Variants in METTL23 observed in about 807,000 individuals in gnomAD.
METTL23 encodes histone-arginine methyltransferase METTL23.
A neutral mutation model predicts 21.2 loss-of-function variants in METTL23; 24 were observed. That is an observed-to-expected ratio of 1.13 (90% CI 0.82 to 1.59). METTL23 has a LOEUF of 1.59. METTL23 is among the 40% of genes most tolerant of loss of function. METTL23 has a pLI of 0.00. For missense variants in METTL23, 276 were observed against 221.4 expected, an observed-to-expected ratio of 1.25 and a Z score of -1.57; for synonymous variants, 97 against 75.2, an observed-to-expected ratio of 1.29 and a Z score of -1.50.
At chr17:76,727,324 A>G (rs1377397831) in intron 1 of METTL23, 146 bp downstream of exon 1, 1 of 339,072 alleles carries the variant, frequency 2.9e-6, no homozygotes, top group African/African-American at 2.2e-5. Context: ...AAAACGTCGG[A>G]TATGAAGCCC....
chr17:76,732,650 T>A (rs1023378370), intron 2 of METTL23: 1 of 336,274 alleles, frequency 3.0e-6, no homozygotes, highest in Non-Finnish European at 5.6e-6. Flanking sequence ...CTCAAAAAAA[T>A]AAAACAAAAC....
intron 2 of METTL23, 98 bp from the exon 3 acceptor site, chr17:76,732,880 A>T: frequency 1.0e-6 from 1 of 1,001,212 alleles, no homozygotes; most frequent in Non-Finnish European, 1.5e-6. Flanking sequence ...CTCTATGCTT[A>T]TTTAAAAATG....
chr17:76,733,750 T>C lies in METTL23; in HGVS notation c.*64T>C. 1 of 1,434,512 alleles carries C rather than the reference T, an allele frequency of 7.0e-7. No homozygotes were observed. The highest frequency in any genetic ancestry group is 9.5e-7 in the Non-Finnish European group (1 of 1,056,784). The allele number at this position is 1,434,512 out of a possible 1,614,324, so 88.9% of individuals were successfully genotyped here. ...GATGAGCAACCTGGCACACAAACTA[T>C]GAGCAGACCACTTCAGCTTGAGAAT... On this transcript the variant is annotated 3_prime_UTR_variant, in exon 5 of 5. Transcript: ENST00000341249.
chr17:76,726,068 C>T (rs775431834), upstream of METTL23, among the ~76,000 whole-genome samples: 5 of 152,202 alleles, frequency 3.3e-5, no homozygotes, highest in African/African-American at 1.2e-4. Context: ...CTAGGGGACC[C>T]GCCGCCCAAA....
Position 76,726,877 on chromosome 17 carries a change from C to T in METTL23, c.-323C>T, listed in dbSNP as rs1308843690. On this transcript the variant is annotated 5_prime_UTR_variant, in exon 1 of 5. Transcript: ENST00000341249. ...CCAGCCGCCCGTTGCCAGTTCTGCG[C>T]GTGTGAGTCTCTTTCGCCTTGCTCC... 6 of 444,438 alleles carry T rather than the reference C, an allele frequency of 1.4e-5. No homozygotes were observed. Among genetic ancestry groups the T allele is most frequent in the Non-Finnish European group, 2.8e-5 (6 of 216,432 alleles). The allele number at this position is 444,438 out of a possible 1,614,324, so 27.5% of individuals were successfully genotyped here.
chr17:76,726,590 T>G, upstream of METTL23: 3 of 1,378,606 alleles, frequency 2.2e-6, no homozygotes, highest in Non-Finnish European at 2.9e-6. Context: ...CGCCCTTCGC[T>G]CAGTCCCGGC....
In METTL23 at chr17:76,726,972, G is replaced by A. The variant is rs747808832; in HGVS notation, c.-228G>A. The A allele has an allele frequency of 2.2e-6, 1 of 456,640 alleles. No homozygotes were observed. Among genetic ancestry groups the A allele is most frequent in the South Asian group, 1.5e-5 (1 of 64,568 alleles). The allele number at this position is 456,640 out of a possible 1,614,324, so 28.3% of individuals were successfully genotyped here. A position where few individuals can be genotyped will look rare whatever the true frequency, so the allele number is the denominator to read the frequency against. On this transcript the variant is annotated 5_prime_UTR_variant, in exon 1 of 5. Transcript: ENST00000341249. ...GGCTTTCCCCTTCTTGCCGTCAGGT[G>A]CTACGGCCACGTGGCCCGCGGCTTC...
chr17:76,732,973 A>G lies in METTL23; in HGVS notation c.85-5A>G. On this transcript the variant is annotated splice_polypyrimidine_tract_variant and splice_region_variant and intron_variant, in intron 2 of 4. Coordinates refer to ENST00000341249, the MANE Select transcript of METTL23 (RefSeq NM_001080510.5). ...TGTGAAATGCCATCTTTCATAACTT[A>G]TTAGATTGGAGCTGGAGTGAGCCTT... 1 of 1,560,294 alleles carries G rather than the reference A, an allele frequency of 6.4e-7. No individual in the cohort carries two copies. Among genetic ancestry groups the G allele is most frequent in the Non-Finnish European group, 8.7e-7 (1 of 1,150,174 alleles).
intron 2 of METTL23, 59 bp from the exon 3 acceptor site, chr17:76,732,919 T>C: frequency 7.4e-7 from 1 of 1,348,862 alleles, no homozygotes; most frequent in Non-Finnish European, 1.0e-6. Flanking sequence ...GTACTAAGAT[T>C]CCCAATTATT....
chr17:76,727,134 G>A lies in METTL23; in HGVS notation c.-66G>A, dbSNP rs1358754836. The A allele has an allele frequency of 2.2e-6, 1 of 451,290 alleles. No individual in the cohort carries two copies. Among genetic ancestry groups the A allele is most frequent in the African/African-American group, 2.0e-5 (1 of 49,874 alleles). 28.0% of individuals were successfully genotyped at this position (451,290 alleles called of 1,614,324 possible). A position where few individuals can be genotyped will look rare whatever the true frequency, so the allele number is the denominator to read the frequency against. On this transcript the variant is annotated 5_prime_UTR_variant, in exon 1 of 5. Coordinates refer to ENST00000341249, the MANE Select transcript of METTL23 (RefSeq NM_001080510.5). ...GCGCTTTCGATTCTCGGAGGAGCCG[G>A]GTCCGGGGGCCGACGGGGCTGTCCT...
At chr17:76,729,850 T>G in intron 2 of METTL23, 56 bp downstream of exon 2, 2 of 1,289,368 alleles carry the variant, frequency 1.6e-6, no homozygotes, top group South Asian at 2.6e-5. Flanking sequence ...TGTGTTAAGT[T>G]GACATGTGTA....
chr17:76,730,868 C>CCGAGG (rs1416219223), intron 2 of METTL23, among the ~76,000 whole-genome samples: 1 of 152,048 alleles, frequency 6.6e-6, no homozygotes, highest in African/African-American at 2.4e-5. Context: ...CTTTGGGAGG[C>CCGAGG]TGAGGCGGGC....
chr17:76,732,841 T>G, intron 2 of METTL23, 137 bp from the exon 3 acceptor site: 1 of 699,332 alleles, frequency 1.4e-6, no homozygotes, highest in South Asian at 1.8e-5. Context: ...TCAGTTACGG[T>G]ACATTTTATA....
rs149680543 is a variant in METTL23, at chr17:76,728,734, C to T, written c.-21-956C>T. On this transcript the variant is annotated intron_variant, in intron 1 of 4. Coordinates refer to ENST00000341249, the MANE Select transcript of METTL23 (RefSeq NM_001080510.5). ...CTGGCTTCACGTTTAAATACACTTG[C>T]ATTTCTTCCTAAATGTAGGGGGTGA... is the stretch of plus-strand genomic sequence containing the variant. 6.8e-3 allele frequency among the ~76,000 whole-genome samples: 1,014 copies of T among 149,772 alleles called. 13 individuals are homozygous for T. The highest frequency in any genetic ancestry group is 0.023 in the African/African-American group (951 of 40,650).
chr17:76,727,769 C>T (rs536393028), intron 1 of METTL23, among the ~76,000 whole-genome samples: 1 of 152,326 alleles, frequency 6.6e-6, no homozygotes, highest in South Asian at 2.1e-4. Context: ...CTCGCTCTGG[C>T]GCCCAGGCTG....
upstream of METTL23, chr17:76,726,742 T>G: frequency 4.3e-6 from 2 of 467,206 alleles, no homozygotes; most frequent in South Asian, 2.0e-5. Flanking sequence ...CTCCTTCACA[T>G]ACGGCGGGCC....
chr17:76,732,734 T>C (rs2143859364), intron 2 of METTL23: 2 of 554,514 alleles, frequency 3.6e-6, no homozygotes, highest in Admixed American at 3.1e-5. Flanking sequence ...CCAGTTACGA[T>C]ACATGGCCCT....
intron 1 of METTL23, among the ~76,000 whole-genome samples, chr17:76,728,903 C>G (rs2077080583): frequency 6.8e-6 from 1 of 146,442 alleles, no homozygotes; most frequent in Admixed American, 7.1e-5. Context: ...ACGCCATTTT[C>G]CTGTCTCAGC....
rs762422774 is a variant in METTL23, at chr17:76,733,287, C to T, written c.323-6C>T. 1.7e-5 allele frequency: 28 copies of T among 1,613,708 alleles called. No homozygotes were observed. The Admixed American group carries it at 4.0e-4, about 23-fold the overall frequency. ...GAAAATCTATTCATAAATCCTTTCT[C>T]CTCAGATTTTGAAGACATTTTGGCT... is the stretch of plus-strand genomic sequence containing the variant. On this transcript the variant is annotated splice_polypyrimidine_tract_variant and splice_region_variant and intron_variant, in intron 3 of 4. Coordinates refer to ENST00000341249, the MANE Select transcript of METTL23 (RefSeq NM_001080510.5).
Sources: allele counts gnomAD v4.1 joint callset (sites outside exome capture counted in the v4.1 genomes callset), GRCh38; gene constraint gnomAD v4.1.1; transcripts MANE v1.5; gene names NCBI Gene and HGNC (gene_info 2026-07-23, HGNC 2026-07-21).